The following ZFHX3 variants were observed in gnomAD, a reference collection of about 807,000 sequenced individuals.
ZFHX3 encodes the protein zinc finger homeobox 3, also known as zinc finger homeobox protein 3.
Under a neutral mutation model 279.1 loss-of-function variants are expected in ZFHX3, and 42 were observed. That is an observed-to-expected ratio of 0.15 (90% CI 0.12 to 0.19). The LOEUF is 0.19. ZFHX3 is among the 10% of genes least tolerant of loss of function. The pLI, the probability that ZFHX3 is intolerant of heterozygous loss-of-function variation, is 1.00. For missense variants in ZFHX3, 4,981 were observed against 4,754.0 expected (o/e 1.05, Z -1.40); for synonymous variants, 2,293 against 1,957.8 (o/e 1.17, Z -4.52).
Position 72,950,600 on chromosome 16 carries a change from G to A in ZFHX3, c.3085C>T (p.Leu1029Phe), listed in dbSNP as rs1360955067. ...GGGTTGCCGATGGCCACACACTTGA[G>A]CCTCCACTCGTTGGCCTTGCCGCCC... Reference protein sequence around the residue: ...KEGGKANEWRLKCVAIGNPVH... With the variant: ...KEGGKANEWRFKCVAIGNPVH... The change falls in exon 3 of 10, where the codon CTC becomes TTC. Residue 1029 changes from leucine to phenylalanine, a missense_variant. By Grantham distance (22) the Leu-to-Phe change is conservative (BLOSUM62 0). This residue lies in a region of ZFHX3 where 1,751 missense variants were observed against 1,770.0 expected (regional missense o/e 0.99). Transcript: ENST00000268489. 6.2e-7 allele frequency: 1 copy of A among 1,614,230 alleles called. No individual in the cohort carries two copies. Among genetic ancestry groups the A allele is most frequent in the Non-Finnish European group, 8.5e-7 (1 of 1,180,048 alleles).
At chr16:73,434,678 T>C (rs2017966824) in intron 3 of ZFHX3, among the ~76,000 whole-genome samples, 2 of 152,084 alleles carry the variant, frequency 1.3e-5, no homozygotes. Context: ...TCAGATAACA[T>C]CATTGAGGTT....
chr16:72,796,259 G>C lies in ZFHX3; in HGVS notation c.6423C>G (p.Leu2141=). Residue 2141 remains leucine (L), a synonymous_variant, in exon 9 of 10, where the codon CTC becomes CTG. Transcript: ENST00000268489. The stretch of plus-strand genomic sequence containing the variant: ...TGCGAGGCCTCTTGTTCTGCTGCTG[G>C]AGCAGGGTTGGATTGAGCTGATGCT... ...LYQHQLNPTL[L]QQQNKRPRTR... is the part of the protein sequence containing the mutation. The C allele has an allele frequency of 6.2e-7, 1 of 1,614,148 alleles. No individual in the cohort carries two copies. The highest frequency in any genetic ancestry group is 8.5e-7 in the Non-Finnish European group (1 of 1,180,024).
intron 3 of ZFHX3, among the ~76,000 whole-genome samples, chr16:72,912,040 T>C (rs2039331537): frequency 6.6e-6 from 1 of 152,158 alleles, no homozygotes; most frequent in Non-Finnish European, 1.5e-5. Flanking sequence ...GCTTTTTAAT[T>C]AACAAAGCAG....
chr16:73,688,216 G>A (rs1597067036), intron 1 of ZFHX3, among the ~76,000 whole-genome samples: 1 of 151,930 alleles, frequency 6.6e-6, no homozygotes. Context: ...AATTAACCAG[G>A]CATAGTGGCA....
chr16:73,653,622 A>T (rs2052692913), intron 2 of ZFHX3, among the ~76,000 whole-genome samples: 1 of 150,592 alleles, frequency 6.6e-6, no homozygotes, highest in Non-Finnish European at 1.5e-5. Context: ...CGGAAAAGTT[A>T]TGAAGGGCAA....
At chr16:73,759,574 A>T (rs1022091756) in intron 1 of ZFHX3, among the ~76,000 whole-genome samples, 1 of 152,206 alleles carries the variant, frequency 6.6e-6, no homozygotes, top group African/African-American at 2.4e-5. Flanking sequence ...AAGAAAAGTT[A>T]AAAAGAGGAG....
chr16:73,787,036 C>T (rs75205241), intron 1 of ZFHX3, among the ~76,000 whole-genome samples: 1 of 152,130 alleles, frequency 6.6e-6, no homozygotes, highest in African/African-American at 2.4e-5. Flanking sequence ...TTCTTTTGTG[C>T]CATAATTTCC....
rs765849623 is a variant in ZFHX3 at position 72,795,768 on chromosome 16, C to A, written c.6914G>T (p.Gly2305Val). 6.2e-7 allele frequency: 1 copy of A among 1,614,202 alleles called. No individual in the cohort carries two copies. The change falls in exon 9 of 10, where the codon GGA becomes GTA. Residue 2305 changes from glycine to valine, a missense_variant. Gly to Val is a moderately radical substitution (Grantham distance 109). Around this residue, in one of 7 missense-constraint regions of ZFHX3, gnomAD observed 177 missense variants for 244.2 expected, o/e 0.72. Transcript: ENST00000268489. The stretch of plus-strand genomic sequence containing the variant: ...ACGCCGCTCTCCATCTTTGCCCTCT[C>A]CCTGATTCTCATAATTCTTCCTGGC... ...QKARKNYENQ[G>V]EGKDGERREL...
intron 1 of ZFHX3, among the ~76,000 whole-genome samples, chr16:73,783,158 C>T (rs530046940): frequency 4.8e-4 from 73 of 152,244 alleles, no homozygotes; most frequent in African/African-American, 7.0e-4. Flanking sequence ...AGCTGAGTAC[C>T]GGGCCAAGAT....
intron 1 of ZFHX3, among the ~76,000 whole-genome samples, chr16:73,795,838 G>A (rs549260478): frequency 6.6e-6 from 1 of 152,346 alleles, no homozygotes; most frequent in African/African-American, 2.4e-5. Flanking sequence ...GACACAGGAG[G>A]ATAGATTAGA....
intron 2 of ZFHX3, among the ~76,000 whole-genome samples, chr16:73,459,404 C>T (rs929694394): frequency 6.6e-6 from 1 of 152,016 alleles, no homozygotes; most frequent in Admixed American, 6.6e-5. Flanking sequence ...ATTATGTCGC[C>T]CAGGCTGAAG....
intron 2 of ZFHX3, among the ~76,000 whole-genome samples, chr16:73,678,752 T>C (rs1430976903): frequency 2.6e-5 from 4 of 152,310 alleles, no homozygotes; most frequent in Admixed American, 6.5e-5. Context: ...ATTCGCTCTG[T>C]GCACTGGACA....
intron 1 of ZFHX3, among the ~76,000 whole-genome samples, chr16:73,746,141 C>T (rs190993999): frequency 5.2e-4 from 79 of 151,960 alleles, no homozygotes; most frequent in African/African-American, 1.7e-3. Context: ...CAGGGAGAGC[C>T]CAAATCAAGC....
intron 1 of ZFHX3, among the ~76,000 whole-genome samples, chr16:73,701,498 G>T (rs1039600925): frequency 6.6e-6 from 1 of 152,116 alleles, no homozygotes; most frequent in East Asian, 1.9e-4. Context: ...CCCACAGAAG[G>T]CAGGCTGCAA....
At chr16:72,869,120 A>C (rs1005972988) in intron 4 of ZFHX3, among the ~76,000 whole-genome samples, 3 of 152,248 alleles carry the variant, frequency 2.0e-5, no homozygotes, top group Non-Finnish European at 4.4e-5. Flanking sequence ...GGAAGGCAGG[A>C]AGGACTTCAA....
intron 1 of ZFHX3, among the ~76,000 whole-genome samples, chr16:73,054,709 T>C (rs1473014797): frequency 6.6e-6 from 1 of 152,148 alleles, no homozygotes; most frequent in African/African-American, 2.4e-5. Context: ...AATAGATGTC[T>C]GCCGACCATA....
intron 1 of ZFHX3, among the ~76,000 whole-genome samples, chr16:72,968,953 TAC>T (rs913412622): frequency 4.6e-5 from 7 of 152,166 alleles, no homozygotes; most frequent in African/African-American, 1.7e-4. Flanking sequence ...TACACATATA[TAC>T]ACACATATAT....
In ZFHX3 at chr16:72,785,929, T is replaced by A. The variant is rs952896848; in HGVS notation, c.*1235A>T. ...AAAGTTTCAACTCCCCAACCAAAAA[T>A]AATCTGTGAGGATCCTAATGACCCC... On this transcript the variant is annotated 3_prime_UTR_variant, in exon 10 of 10. Coordinates refer to ENST00000268489, the MANE Select transcript of ZFHX3 (RefSeq NM_006885.4). 1 of 152,128 alleles carries A rather than the reference T, an allele frequency of 6.6e-6. No individual in the cohort carries two copies. The highest frequency in any genetic ancestry group is 2.4e-5 in the African/African-American group (1 of 41,416). 9.4% of individuals were successfully genotyped at this position (152,128 alleles called of 1,614,324 possible). A position where few individuals can be genotyped will look rare whatever the true frequency, so the allele number is the denominator to read the frequency against.
chr16:73,762,147 A>AG (rs1296637930), intron 1 of ZFHX3, among the ~76,000 whole-genome samples: 1 of 151,692 alleles, frequency 6.6e-6, no homozygotes, highest in Non-Finnish European at 1.5e-5. Context: ...AAAAAAAAAA[A>AG]CAACACCATT....
Sources: allele counts gnomAD v4.1 joint callset (sites outside exome capture counted in the v4.1 genomes callset), GRCh38; gene constraint gnomAD v4.1.1; regional missense constraint gnomAD v4.1.1; transcripts MANE v1.5; gene names NCBI Gene and HGNC (gene_info 2026-07-23, HGNC 2026-07-21).